The following KLF8 variants were observed in gnomAD, a reference collection of about 807,000 sequenced individuals.
KLF8 encodes KLF transcription factor 8.
Under a neutral mutation model 18.2 loss-of-function variants are expected in KLF8, and 10 were observed. The observed-to-expected ratio is 0.55, with a 90% CI of 0.34 to 0.93. The LOEUF (loss-of-function observed/expected upper bound fraction) is 0.93. Among genes scored for constraint, KLF8 ranks in the 40% least tolerant of loss-of-function variants. KLF8 has a pLI of 0.02. For missense variants in KLF8, 264 were observed against 277.9 expected (o/e 0.95, Z 0.36); for synonymous variants, 109 against 97.3 (o/e 1.12, Z -0.71).
chrX:55,933,063 T>C, the KLF8 span, among the ~76,000 whole-genome samples: 1 of 112,042 alleles, frequency 8.9e-6, no homozygotes, highest in Non-Finnish European at 1.9e-5. Flanking sequence ...TGTTTTTTTT[T>C]CTTATGCTTT....
At chrX:56,158,184 A>G in the KLF8 span, among the ~76,000 whole-genome samples, 3,109 of 111,606 alleles carry the variant, frequency 0.028, 108 homozygotes, top group African/African-American at 0.097. Context: ...AGGTTTGTCA[A>G]AGATCAGATG....
At chrX:55,928,820 G>T in the KLF8 span, among the ~76,000 whole-genome samples, 1 of 111,830 alleles carries the variant, frequency 8.9e-6, no homozygotes, top group Admixed American at 9.5e-5. Context: ...GAACAGTGCT[G>T]CAATAAACAT....
At chrX:56,169,203 G>A in the KLF8 span, among the ~76,000 whole-genome samples, 2 of 111,562 alleles carry the variant, frequency 1.8e-5, no homozygotes, top group South Asian at 7.5e-4. Flanking sequence ...TACCCAGGTA[G>A]TAACCCATAG....
At chrX:56,185,670 A>G in the KLF8 span, among the ~76,000 whole-genome samples, 2 of 112,106 alleles carry the variant, frequency 1.8e-5, no homozygotes, top group African/African-American at 3.2e-5. Context: ...ACTAATAGCG[A>G]ATCTCTCGGC....
At chrX:56,104,450 G>T in the KLF8 span, among the ~76,000 whole-genome samples, 1 of 111,559 alleles carries the variant, frequency 9.0e-6, no homozygotes, top group African/African-American at 3.3e-5. Context: ...TTGGGAGGGT[G>T]TATGTGCCCA....
At chrX:56,061,986 C>CTTTTTTTTTTTTTTT in the KLF8 span, among the ~76,000 whole-genome samples, 6 of 57,149 alleles carry the variant, frequency 1.0e-4, no homozygotes, top group South Asian at 8.3e-4. Context: ...GCAACCCCTG[C>CTTTTTTTTTTTTTTT]TTTTTTTTTT....
the KLF8 span, among the ~76,000 whole-genome samples, chrX:56,206,104 A>G: frequency 9.0e-6 from 1 of 111,173 alleles, no homozygotes; most frequent in East Asian, 2.8e-4. Context: ...CCATGAGAAC[A>G]GTGTAGGGGA....
At chrX:56,271,146 A>G (rs781294972) in intron 5 of KLF8, among the ~76,000 whole-genome samples, 2 of 112,153 alleles carry the variant, frequency 1.8e-5, no homozygotes, top group African/African-American at 3.2e-5. Context: ...TGCAAATGCT[A>G]TGTTATTTTA....
chrX:56,072,888 A>G, the KLF8 span, among the ~76,000 whole-genome samples: 1 of 111,643 alleles, frequency 9.0e-6, no homozygotes, highest in Admixed American at 9.5e-5. Flanking sequence ...GTAAACTCTA[A>G]TCTACTTTCT....
the KLF8 span, among the ~76,000 whole-genome samples, chrX:56,205,288 A>T: frequency 8.9e-6 from 1 of 112,068 alleles, no homozygotes; most frequent in Non-Finnish European, 1.9e-5. Context: ...TGACCCTATT[A>T]ATGATTTTCT....
chrX:56,064,935 A>G, the KLF8 span, among the ~76,000 whole-genome samples: 1 of 111,246 alleles, frequency 9.0e-6, no homozygotes, highest in Non-Finnish European at 1.9e-5. Flanking sequence ...CTCTCCTGGC[A>G]TGTAAGGTTT....
the KLF8 span, among the ~76,000 whole-genome samples, chrX:56,168,065 A>T: frequency 9.0e-6 from 1 of 111,637 alleles, no homozygotes; most frequent in Non-Finnish European, 1.9e-5. Context: ...AAAGAACACA[A>T]TTTTTTCCAA....
At chrX:56,178,206 G>A in the KLF8 span, among the ~76,000 whole-genome samples, 7 of 112,654 alleles carry the variant, frequency 6.2e-5, no homozygotes, top group Non-Finnish European at 5.6e-5. Flanking sequence ...GCTGGGAGCT[G>A]TAGCGATTTG....
the KLF8 span, among the ~76,000 whole-genome samples, chrX:56,004,520 A>G: frequency 8.9e-6 from 1 of 112,210 alleles, no homozygotes; most frequent in African/African-American, 3.2e-5. Flanking sequence ...CTGGAACTTT[A>G]TATGAGTATC....
At chrX:55,992,273 G>A in the KLF8 span, among the ~76,000 whole-genome samples, 1 of 112,129 alleles carries the variant, frequency 8.9e-6, no homozygotes, top group Non-Finnish European at 1.9e-5. Context: ...GTTTATTTTT[G>A]TATGTGGGGA....
the KLF8 span, among the ~76,000 whole-genome samples, chrX:56,188,900 C>G: frequency 5.4e-5 from 6 of 111,724 alleles, no homozygotes; most frequent in African/African-American, 2.0e-4. Context: ...AATGTTAGAC[C>G]TAAAACCATA....
the KLF8 span, among the ~76,000 whole-genome samples, chrX:56,194,911 G>A: frequency 8.9e-6 from 1 of 112,448 alleles, no homozygotes; most frequent in Non-Finnish European, 1.9e-5. Context: ...CTGTTCTGCA[G>A]CCTCCGCTGG....
At chrX:56,178,029 C>A in the KLF8 span, among the ~76,000 whole-genome samples, 21 of 111,830 alleles carry the variant, frequency 1.9e-4, no homozygotes, top group Non-Finnish European at 3.8e-5. Flanking sequence ...AAAGGGAATT[C>A]CCTGACCCCT....
chrX:55,986,149 C>A, the KLF8 span, among the ~76,000 whole-genome samples: 1 of 111,060 alleles, frequency 9.0e-6, no homozygotes, highest in Non-Finnish European at 1.9e-5. Context: ...TCCTGATTGC[C>A]CTGGCCAAAA....
Sources: gnomAD v4.1 joint callset for allele counts (sites outside exome capture counted in the v4.1 genomes callset) on GRCh38, gnomAD v4.1.1 for gene constraint, MANE v1.5 for transcripts, NCBI Gene and HGNC (gene_info 2026-07-23, HGNC 2026-07-21) for gene names.